The following COL11A1 variants were observed in gnomAD, a reference collection of about 807,000 sequenced individuals.
COL11A1 encodes the protein collagen type XI alpha 1 chain.
COL11A1 carries 74 observed loss-of-function variants against 265.2 expected under a neutral mutation model. That is an observed-to-expected ratio of 0.28 (90% confidence interval 0.23 to 0.34). The LOEUF (loss-of-function observed/expected upper bound fraction) is 0.34. Among genes scored for constraint, COL11A1 ranks in the 10% least tolerant of loss-of-function variants. The pLI, the probability that COL11A1 is intolerant of heterozygous loss-of-function variation, is 1.00. For synonymous variants in COL11A1, 816 were observed against 727.6 expected (o/e 1.12, Z -1.96); for missense variants, 2,165 against 2,263.6 (o/e 0.96, Z 0.88).
intron 5 of COL11A1, 112 bp from the exon 6 acceptor site, chr1:103,026,444 T>C (rs1024300754): frequency 9.0e-5 from 68 of 759,496 alleles, no homozygotes; most frequent in Admixed American, 4.6e-4. Flanking sequence ...GATAAGAAAT[T>C]AATGTTATTG....
chr1:102,910,817 T>C (rs868380214), intron 54 of COL11A1, among the ~76,000 whole-genome samples: 10 of 152,150 alleles, frequency 6.6e-5, no homozygotes, highest in Admixed American at 2.0e-4. Flanking sequence ...AAGCCAGCTA[T>C]TGTGACTGCA....
At chr1:102,910,101 G>A (rs1320830699) in intron 54 of COL11A1, among the ~76,000 whole-genome samples, 1 of 151,198 alleles carries the variant, frequency 6.6e-6, no homozygotes, top group Non-Finnish European at 1.5e-5. Flanking sequence ...ATAAGTTTTG[G>A]GTCATATTAT....
intron 59 of COL11A1, among the ~76,000 whole-genome samples, 194 bp downstream of exon 59, chr1:102,889,261 T>C (rs1215525452): frequency 1.3e-5 from 2 of 152,180 alleles, no homozygotes; most frequent in African/African-American, 4.8e-5. Context: ...TTATGGTTTC[T>C]AACTTAAATA....
Position 103,031,245 on chromosome 1 carries a change from CT to C in COL11A1, c.652-2del, listed in dbSNP as rs1667965798. The stretch of plus-strand genomic sequence containing the variant: ...TGATCAAAAACTGCTGAATGTCCCC[CT>C]GGGAAAAAAAAAAAAACAAAAACAA... On this transcript the variant is annotated splice_acceptor_variant, in intron 4 of 66. Transcript: ENST00000370096. LOFTEE classifies it high-confidence loss of function. The C allele has an allele frequency of 6.7e-7, 1 of 1,489,072 alleles. No individual in the cohort carries two copies. The highest frequency in any genetic ancestry group is 8.9e-7 in the Non-Finnish European group (1 of 1,122,268). The allele number at this position is 1,489,072 out of a possible 1,614,324, so 92.2% of individuals were successfully genotyped here. A position where few individuals can be genotyped will look rare whatever the true frequency, so the allele number is the denominator to read the frequency against.
intron 9 of COL11A1, among the ~76,000 whole-genome samples, chr1:103,019,671 T>C (rs144615891): frequency 0.077 from 11,593 of 151,000 alleles, 509 homozygotes; most frequent in Middle Eastern, 0.14. Flanking sequence ...ATGTGCCATG[T>C]TGGTGTGCTG....
intron 15 of COL11A1, among the ~76,000 whole-genome samples, chr1:103,007,866 C>A (rs1409760637): frequency 0.018 from 1,767 of 96,668 alleles, no homozygotes; most frequent in African/African-American, 0.022. Flanking sequence ...GACTCTGTCT[C>A]AAAAAAAAAA....
At chr1:103,071,942 A>T (rs1160277895) in intron 4 of COL11A1, among the ~76,000 whole-genome samples, 2 of 151,168 alleles carry the variant, frequency 1.3e-5, no homozygotes, top group African/African-American at 4.9e-5. Context: ...TTTTTTTTCT[A>T]TAAATCCTTA....
chr1:103,045,834 A>G (rs1332546942), intron 4 of COL11A1, among the ~76,000 whole-genome samples: 2 of 141,870 alleles, frequency 1.4e-5, no homozygotes, highest in African/African-American at 5.3e-5. Flanking sequence ...TGTTCTTATT[A>G]TTCAATTCCC....
intron 1 of COL11A1, among the ~76,000 whole-genome samples, chr1:103,097,599 G>GCC (rs1673881497): frequency 6.6e-6 from 1 of 151,894 alleles, no homozygotes; most frequent in Non-Finnish European, 1.5e-5. Flanking sequence ...GTCTCCTCAA[G>GCC]TAGACCATAA....
intron 49 of COL11A1, among the ~76,000 whole-genome samples, chr1:102,916,893 T>C (rs1655401882): frequency 6.6e-6 from 1 of 151,976 alleles, no homozygotes; most frequent in Admixed American, 6.6e-5. Flanking sequence ...GTAATGATGT[T>C]AGTGATGTTT....
chr1:102,943,016 C>T (rs888604305), intron 42 of COL11A1, among the ~76,000 whole-genome samples: 6 of 152,044 alleles, frequency 3.9e-5, no homozygotes, highest in African/African-American at 1.4e-4. Flanking sequence ...GGGTAGCTCC[C>T]AACCCACTTC....
At position 103,003,330 on chromosome 1, in the gene COL11A1, C is replaced by T. The variant is rs1234441198; in HGVS notation, c.1945-62G>A. On this transcript the variant is annotated intron_variant, in intron 20 of 66. Coordinates refer to ENST00000370096, the MANE Select transcript of COL11A1 (RefSeq NM_001854.4). The stretch of plus-strand genomic sequence containing the variant: ...AAAAAAATGTCCTAATAACATGCCT[C>T]TTTCAATGAAGAAATCCTAAGGTTA... 4.1e-6 allele frequency: 6 copies of T among 1,474,756 alleles called. No individual in the cohort carries two copies. The East Asian group carries it at 1.4e-4, about 34-fold the overall frequency. The allele number at this position is 1,474,756 out of a possible 1,614,324, so 91.4% of individuals were successfully genotyped here. A position where few individuals can be genotyped will look rare whatever the true frequency, so the allele number is the denominator to read the frequency against.
intron 14 of COL11A1, 22 bp downstream of exon 14, chr1:103,012,391 T>TTGTTAAA: frequency 6.2e-7 from 1 of 1,604,024 alleles, no homozygotes. Flanking sequence ...TAACATATAT[T>TTGTTAAA]ATCTTTGTTG....
intron 42 of COL11A1, among the ~76,000 whole-genome samples, chr1:102,941,265 T>A (rs1304397868): frequency 1.3e-5 from 2 of 152,152 alleles, no homozygotes; most frequent in Non-Finnish European, 2.9e-5. Context: ...TCTCCATCAC[T>A]GACACCTTAC....
chr1:102,985,263 C>T (rs981086984), intron 30 of COL11A1, among the ~76,000 whole-genome samples: 3 of 151,814 alleles, frequency 2.0e-5, no homozygotes, highest in Non-Finnish European at 4.4e-5. Flanking sequence ...AAAAGATGAA[C>T]AGAAGCTTAT....
At chr1:103,104,551 A>G (rs1417208424) in intron 1 of COL11A1, among the ~76,000 whole-genome samples, 1 of 152,192 alleles carries the variant, frequency 6.6e-6, no homozygotes, top group Non-Finnish European at 1.5e-5. Flanking sequence ...TAACTTCTAT[A>G]AAGTATCCCC....
At chr1:103,048,849 G>T (rs550083251) in intron 4 of COL11A1, among the ~76,000 whole-genome samples, 5 of 151,940 alleles carry the variant, frequency 3.3e-5, no homozygotes, top group African/African-American at 9.7e-5. Context: ...CCTTCATTTC[G>T]TTATGTACCC....
At position 103,092,221 on chromosome 1, in the gene COL11A1, T is replaced by C. The variant is rs375286477; in HGVS notation, c.107-9249A>G. Among the ~76,000 whole-genome samples, 15 of 152,220 alleles carry C rather than the reference T, an allele frequency of 9.9e-5. No homozygotes were observed. The East Asian group carries it at 1.9e-3, about 20-fold the overall frequency. On this transcript the variant is annotated intron_variant, in intron 1 of 66. Transcript: ENST00000370096. ...TTGAACAATACTAATTTGAAATGTA[T>C]AGGTCCAGTTATGTATGAATATGGT...
chr1:103,097,307 C>G (rs1446931426), intron 1 of COL11A1, among the ~76,000 whole-genome samples: 1 of 151,910 alleles, frequency 6.6e-6, no homozygotes, highest in East Asian at 1.9e-4. Flanking sequence ...TTTATCCCCA[C>G]TGCTTCTTCT....
Sources: gnomAD v4.1 joint callset for allele counts (sites outside exome capture counted in the v4.1 genomes callset) on GRCh38, gnomAD v4.1.1 for gene constraint, MANE v1.5 for transcripts, NCBI Gene and HGNC (gene_info 2026-07-23, HGNC 2026-07-21) for gene names.